Variants in STX8 observed in about 807,000 individuals in gnomAD.
STX8 encodes the protein syntaxin 8, also known as syntaxin-8.
A neutral mutation model predicts 37.5 loss-of-function variants in STX8; 23 were observed. The ratio of observed to expected loss-of-function variants is 0.61; its 90% confidence interval spans 0.44 to 0.87. The LOEUF is 0.87. Ranked by LOEUF, STX8 falls within the 40% of genes least tolerant of loss-of-function variation. The pLI is 0.00. For missense variants in STX8, 313 were observed against 284.7 expected, an observed-to-expected ratio of 1.10 and a Z score of -0.71; for synonymous variants, 115 against 99.1, an observed-to-expected ratio of 1.16 and a Z score of -0.95.
At chr17:9,279,186 T>C (rs897474614) in intron 7 of STX8, among the ~76,000 whole-genome samples, 1 of 151,834 alleles carries the variant, frequency 6.6e-6, no homozygotes, top group African/African-American at 2.4e-5. Context: ...GCCTCCCAAG[T>C]ATTTGGGATT....
intron 4 of STX8, among the ~76,000 whole-genome samples, chr17:9,514,738 T>C (rs992910830): frequency 2.0e-5 from 3 of 152,224 alleles, no homozygotes; most frequent in South Asian, 2.1e-4. Flanking sequence ...TATTCACTCA[T>C]ATCTCCATTA....
chr17:9,530,721 C>T (rs1905783395), intron 4 of STX8, among the ~76,000 whole-genome samples: 1 of 152,202 alleles, frequency 6.6e-6, no homozygotes, highest in South Asian at 2.1e-4. Flanking sequence ...TTTCCTATGT[C>T]AAATATTAAT....
At chr17:9,321,899 A>C (rs1473399127) in intron 7 of STX8, among the ~76,000 whole-genome samples, 1 of 152,212 alleles carries the variant, frequency 6.6e-6, no homozygotes, top group African/African-American at 2.4e-5. Flanking sequence ...GACTCTGGAG[A>C]TCAGGACAGG....
At chr17:9,516,002 G>C (rs1905147088) in intron 4 of STX8, among the ~76,000 whole-genome samples, 1 of 152,004 alleles carries the variant, frequency 6.6e-6, no homozygotes, top group Admixed American at 6.6e-5. Context: ...ATATCATCTT[G>C]CAAGAGCCAC....
chr17:9,475,830 A>G lies in STX8; in HGVS notation c.541+15999T>C, dbSNP rs373948911. ...ACTGGCATATCTTGCCCATTTACAC[A>G]GAGTACACATCACAGCCTGTCTTCC... is the stretch of plus-strand genomic sequence containing the variant. On this transcript the variant is annotated intron_variant, in intron 6 of 7. Coordinates refer to ENST00000306357, the MANE Select transcript of STX8 (RefSeq NM_004853.3). Among the ~76,000 whole-genome samples, 35 of 152,302 alleles carry G rather than the reference A, an allele frequency of 2.3e-4. No homozygotes were observed. In the East Asian group the frequency reaches 3.1e-3, roughly 13 times the overall value.
chr17:9,321,569 G>A (rs1298834101), intron 7 of STX8, among the ~76,000 whole-genome samples: 1 of 151,758 alleles, frequency 6.6e-6, no homozygotes, highest in African/African-American at 2.4e-5. Flanking sequence ...GCCCAGGCTG[G>A]AGTACACTGG....
intron 7 of STX8, among the ~76,000 whole-genome samples, chr17:9,357,908 T>A (rs1910938958): frequency 6.6e-6 from 1 of 152,142 alleles, no homozygotes; most frequent in Admixed American, 6.6e-5. Flanking sequence ...GGATTTCCAT[T>A]AGTTTCCAGA....
At chr17:9,275,887 A>G (rs923803513) in intron 7 of STX8, among the ~76,000 whole-genome samples, 1 of 152,056 alleles carries the variant, frequency 6.6e-6, no homozygotes, top group African/African-American at 2.4e-5. Flanking sequence ...AAAAAAAGAA[A>G]AAAAAAAAGG....
chr17:9,378,301 C>T (rs1344917032), intron 7 of STX8: 2 of 402,824 alleles, frequency 5.0e-6, no homozygotes, highest in Non-Finnish European at 9.3e-6. Flanking sequence ...TCTCTGTAAA[C>T]ACACAGAAAG....
At chr17:9,460,227 T>A (rs1905319993) in intron 6 of STX8, among the ~76,000 whole-genome samples, 1 of 152,192 alleles carries the variant, frequency 6.6e-6, no homozygotes. Flanking sequence ...AATGCTTATT[T>A]AGCTTCTGGG....
At chr17:9,315,287 AAAC>A (rs1208201237) in intron 7 of STX8, among the ~76,000 whole-genome samples, 3 of 148,022 alleles carry the variant, frequency 2.0e-5, no homozygotes, top group Admixed American at 6.6e-5. Context: ...AAAAAAACAA[AAAC>A]AACAAAAAAA....
intron 4 of STX8, among the ~76,000 whole-genome samples, chr17:9,526,563 TAAAG>T (rs112440956): frequency 0.037 from 5,628 of 152,238 alleles, 374 homozygotes; most frequent in African/African-American, 0.13. Context: ...AATTTTTACT[TAAAG>T]AAAACACAAG....
intron 7 of STX8, among the ~76,000 whole-genome samples, chr17:9,337,623 T>A (rs1597612419): frequency 6.6e-6 from 1 of 152,212 alleles, no homozygotes; most frequent in Non-Finnish European, 1.5e-5. Context: ...CGCCTTGGCC[T>A]CCCAAAGTGC....
chr17:9,507,796 C>T lies in STX8; in HGVS notation c.324-2634G>A, dbSNP rs1295854046. 6.6e-6 allele frequency among the ~76,000 whole-genome samples: 1 copy of T among 152,196 alleles called. No individual in the cohort carries two copies. Among genetic ancestry groups the T allele is most frequent in the African/African-American group, 2.4e-5 (1 of 41,462 alleles). On this transcript the variant is annotated intron_variant, in intron 4 of 7. Coordinates refer to ENST00000306357, the MANE Select transcript of STX8 (RefSeq NM_004853.3). The surrounding 1 kb of genome is among the most constrained non-coding windows in gnomAD (Gnocchi z 4.0). ...AGCCTCTCAGCTGAGGCCACTGAGA[C>T]ACTCACAAATGTCACTGGCATGGAT...
At chr17:9,554,076 A>G (rs957850130) in intron 3 of STX8, 8 of 152,210 alleles carry the variant, frequency 5.3e-5, no homozygotes, top group African/African-American at 1.7e-4. Context: ...CTTAGACAAC[A>G]TGATGAAACC....
intron 7 of STX8, among the ~76,000 whole-genome samples, chr17:9,330,185 T>A (rs1909915343): frequency 6.6e-6 from 1 of 152,198 alleles, no homozygotes; most frequent in African/African-American, 2.4e-5. Context: ...ATTTATCACC[T>A]CTTATTAGTG....
At chr17:9,304,812 C>T (rs2142182613) in intron 7 of STX8, among the ~76,000 whole-genome samples, 1 of 151,770 alleles carries the variant, frequency 6.6e-6, no homozygotes, top group South Asian at 2.1e-4. Context: ...ATCAAAATTT[C>T]CACTCTGGGA....
chr17:9,342,674 T>G (rs1439315729), intron 7 of STX8, among the ~76,000 whole-genome samples: 1 of 152,080 alleles, frequency 6.6e-6, no homozygotes, highest in African/African-American at 2.4e-5. Context: ...GAATTTGGTT[T>G]AAACTTTTTG....
intron 7 of STX8, among the ~76,000 whole-genome samples, chr17:9,370,519 T>C (rs1801279278): frequency 6.6e-6 from 1 of 152,152 alleles, no homozygotes; most frequent in Non-Finnish European, 1.5e-5. Context: ...CCTAAGAAGA[T>C]CACATTCAGA....
Sources: gnomAD v4.1 joint callset for allele counts (sites outside exome capture counted in the v4.1 genomes callset) on GRCh38, gnomAD v4.1.1 for gene constraint, Gnocchi (gnomAD v3.1) non-coding constraint, MANE v1.5 for transcripts, NCBI Gene and HGNC (gene_info 2026-07-23, HGNC 2026-07-21) for gene names.